SLC5A9: variants seen among roughly 807,000 people sequenced by gnomAD.
The protein encoded by SLC5A9 is sodium/glucose cotransporter 4.
Under a neutral mutation model 70.9 loss-of-function variants are expected in SLC5A9, and 59 were observed. The observed-to-expected ratio is 0.83, with a 90% CI of 0.68 to 1.03. The LOEUF (loss-of-function observed/expected upper bound fraction) is 1.03, where lower values mean the gene tolerates loss of function less well. Among genes scored for constraint, SLC5A9 ranks in the 50% least tolerant of loss-of-function variants. The pLI is 0.00. For missense variants in SLC5A9, 832 were observed against 881.1 expected (o/e 0.94, Z 0.71); for synonymous variants, 340 against 346.5 (o/e 0.98, Z 0.21).
At chr1:48,227,171 G>GTGTAC (rs1400622479) in intron 2 of SLC5A9, among the ~76,000 whole-genome samples, 2 of 104,504 alleles carry the variant, frequency 1.9e-5, no homozygotes, top group African/African-American at 5.7e-5. Context: ...GTCAGAGTGT[G>GTGTAC]TGTGCGTGTG....
At chr1:48,243,436 C>T (rs1363776041) in intron 13 of SLC5A9, among the ~76,000 whole-genome samples, 1 of 152,146 alleles carries the variant, frequency 6.6e-6, no homozygotes, top group Non-Finnish European at 1.5e-5. Context: ...ACTCCAAGGC[C>T]ACACAGTATC....
rs990559243 is a variant in SLC5A9, at chr1:48,224,795, A to C, written c.234A>C (p.Pro78=). 2 of 1,613,938 alleles carry C rather than the reference A, an allele frequency of 1.2e-6. No individual in the cohort carries two copies. Among genetic ancestry groups the C allele is most frequent in the Admixed American group, 3.3e-5 (2 of 60,000 alleles). The part of the protein sequence containing the change: ...FLAGRSMSWW[P]IGASLMSSNV... ...CCGGGAGGTCCATGAGCTGGTGGCC[A>C]GTGAGTTGACCCTTCTCAACCACCC... Residue 78 remains proline (P), a splice_region_variant and synonymous_variant, in exon 2 of 14, where the codon CCA becomes CCC. Transcript: ENST00000438567.
chr1:48,236,975 A>G (rs1644335136), intron 10 of SLC5A9, among the ~76,000 whole-genome samples: 2 of 152,304 alleles, frequency 1.3e-5, no homozygotes, highest in African/African-American at 4.8e-5. Context: ...TGTCAAAAGA[A>G]GCATTCCTTA....
At chr1:48,242,683 C>G (rs532849439) in intron 13 of SLC5A9, 67 bp downstream of exon 13, 1 of 1,436,160 alleles carries the variant, frequency 7.0e-7, no homozygotes, top group African/African-American at 1.4e-5. Context: ...ATGTCATGGG[C>G]GGTCTTTGGG....
rs1282819720 is a variant in SLC5A9, at chr1:48,244,894, A to G, written c.1837+2278A>G. ...TGTGTATGTGTATATATATATATATATATATATATATATATAAAACCTCTG... is the reference window on the plus strand; with the variant it reads ...TGTGTATGTGTATATATATATATATGTATATATATATATATAAAACCTCTG... On this transcript the variant is annotated intron_variant, in intron 13 of 13. Transcript: ENST00000438567. Among the ~76,000 whole-genome samples, 237 of 108,066 alleles carry G rather than the reference A, an allele frequency of 2.2e-3. 61 individuals are homozygous for G. In the East Asian group the frequency reaches 0.022, roughly 10 times the overall value. The allele number at this position is 108,066 out of a possible 152,430, so 70.9% of individuals were successfully genotyped here.
At position 48,248,026 on chromosome 1, in the gene SLC5A9, T is replaced by G. The variant is rs1303649132; in HGVS notation, c.*483T>G. 2 of 163,490 alleles carry G rather than the reference T, an allele frequency of 1.2e-5. No individual in the cohort carries two copies. The highest frequency in any genetic ancestry group is 4.8e-5 in the African/African-American group (2 of 41,702). 10.1% of individuals were successfully genotyped at this position (163,490 alleles called of 1,614,324 possible). On this transcript the variant is annotated 3_prime_UTR_variant, in exon 14 of 14. Transcript: ENST00000438567. The stretch of plus-strand genomic sequence containing the variant: ...TTTCTATTCTCACCAATAATCTCTT[T>G]GTTGCATGAATTTACCCAGGAGAGT...
chr1:48,230,072 T>G (rs969696382), intron 4 of SLC5A9, among the ~76,000 whole-genome samples: 3 of 152,240 alleles, frequency 2.0e-5, no homozygotes, highest in African/African-American at 7.2e-5. Flanking sequence ...GAGAACATCC[T>G]AAGTCAGCTT....
In SLC5A9 at chr1:48,232,488, G is replaced by A. The variant is rs772560201; in HGVS notation, c.1019G>A (p.Arg340Gln). The A allele has an allele frequency of 2.5e-5, 41 of 1,614,024 alleles. No individual in the cohort carries two copies. Among genetic ancestry groups the A allele is most frequent in the South Asian group, 1.6e-4 (15 of 91,084 alleles). The change falls in exon 8 of 14, where the codon CGG (arginine) becomes CAG (glutamine). Residue 340 changes from arginine to glutamine, a missense_variant. By Grantham distance (43) the Arg-to-Gln change is conservative (BLOSUM62 1). Coordinates refer to ENST00000438567, the MANE Select transcript of SLC5A9 (RefSeq NM_001011547.3). ...ATCGTCATGCCTGGCATGATCAGCCGGGCCCTGTTCCCAGGTAAGAACGAG... is the reference window on the plus strand; with the variant it reads ...ATCGTCATGCCTGGCATGATCAGCCAGGCCCTGTTCCCAGGTAAGAACGAG... ...FFIVMPGMIS[R>Q]ALFPDEVGCV...
chr1:48,247,299 C>T, intron 13 of SLC5A9, 36 bp from the exon 14 acceptor site: 2 of 1,600,354 alleles, frequency 1.2e-6, no homozygotes, highest in Non-Finnish European at 1.7e-6. Flanking sequence ...CCTCTCCCCT[C>T]CTGCTCTCCT....
At chr1:48,237,977 C>A in intron 11 of SLC5A9, 130 bp downstream of exon 11, 1 of 920,926 alleles carries the variant, frequency 1.1e-6, no homozygotes, top group Non-Finnish European at 1.6e-6. Flanking sequence ...ACCACAGCAT[C>A]CAGCCTAGAT....
chr1:48,233,909 G>A (rs913901841), intron 9 of SLC5A9, 147 bp downstream of exon 9: 118 of 654,386 alleles, frequency 1.8e-4, no homozygotes, highest in African/African-American at 1.8e-3. Flanking sequence ...ATACACACAC[G>A]TTTTACAGGC....
Position 48,239,369 on chromosome 1 carries a change from TA to T in SLC5A9, c.1510del (p.Met504Ter), listed in dbSNP as rs1323684101. The T allele has an allele frequency of 6.2e-7, 1 of 1,614,010 alleles. No individual in the cohort carries two copies. The highest frequency in any genetic ancestry group is 8.5e-7 in the Non-Finnish European group (1 of 1,179,984). On this transcript the variant is annotated frameshift_variant, in exon 12 of 14. Transcript: ENST00000438567. LOFTEE classifies it high-confidence loss of function. The surrounding 1 kb of genome is among the most constrained non-coding windows in gnomAD (Gnocchi z 4.2). ...VFGLGVGLLR[M>X]ILEFSYPAPA... is the part of the protein sequence containing the mutation. The stretch of plus-strand genomic sequence containing the variant: ...TTGGCCTGGGAGTGGGGCTTCTGCG[TA>T]TGATCCTGGAGTTCTCATACCCAGC...
chr1:48,225,437 A>G (rs1487025528), intron 2 of SLC5A9, among the ~76,000 whole-genome samples: 2 of 151,870 alleles, frequency 1.3e-5, no homozygotes, highest in Non-Finnish European at 2.9e-5. Flanking sequence ...GTGAGCCACA[A>G]TTTCTCCCAT....
Position 48,242,617 on chromosome 1 carries a change from G to A in SLC5A9, c.1837+1G>A. On this transcript the variant is annotated splice_donor_variant, in intron 13 of 13. Coordinates refer to ENST00000438567, the MANE Select transcript of SLC5A9 (RefSeq NM_001011547.3). LOFTEE classifies it high-confidence loss of function. ...AGCCTGGGCCAGGAGCAGCCTGAAG[G>A]TAGGCTGCGGCAGGCCGGGGGATAC... The A allele has an allele frequency of 6.2e-7, 1 of 1,607,538 alleles. No homozygotes were observed. Among genetic ancestry groups the A allele is most frequent in the Non-Finnish European group, 8.5e-7 (1 of 1,176,808 alleles).
Position 48,232,627 on chromosome 1 carries a change from A to C in SLC5A9, c.1033+125A>C, listed in dbSNP as rs1644266056. 1.2e-5 allele frequency: 15 copies of C among 1,273,686 alleles called. No individual in the cohort carries two copies. The South Asian group carries it at 2.1e-4, about 18-fold the overall frequency. 78.9% of individuals were successfully genotyped at this position (1,273,686 alleles called of 1,614,324 possible). On this transcript the variant is annotated intron_variant, in intron 8 of 13. Transcript: ENST00000438567. ...GGGTTGGCAAGGTTTGTCTATTAAG[A>C]ATACATAGCCGGTCATGGTGGCATG...
At chr1:48,245,986 A>G (rs867623692) in intron 13 of SLC5A9, among the ~76,000 whole-genome samples, 1 of 150,748 alleles carries the variant, frequency 6.6e-6, no homozygotes, top group South Asian at 2.1e-4. Flanking sequence ...TATATAAAAT[A>G]TATATTTTTA....
chr1:48,247,246 C>T, intron 13 of SLC5A9, 89 bp from the exon 14 acceptor site: 1 of 1,211,938 alleles, frequency 8.3e-7, no homozygotes, highest in East Asian at 2.5e-5. Flanking sequence ...ATCTCTCTCC[C>T]TCCCCTACTC....
At chr1:48,243,452 T>G (rs1490776330) in intron 13 of SLC5A9, among the ~76,000 whole-genome samples, 1 of 152,188 alleles carries the variant, frequency 6.6e-6, no homozygotes, top group Non-Finnish European at 1.5e-5. Context: ...GTATCTAAAG[T>G]TGAAAATTAT....
Position 48,237,590 on chromosome 1 carries a change from T to C in SLC5A9, c.1293-89T>C. ...AGTGATTGTACATTCCCCTTCTTTCTCCCTTCCTGGTTCCTGTGCATCACC... is the reference window on the plus strand; with the variant it reads ...AGTGATTGTACATTCCCCTTCTTTCCCCCTTCCTGGTTCCTGTGCATCACC... On this transcript the variant is annotated intron_variant, in intron 10 of 13. Coordinates refer to ENST00000438567, the MANE Select transcript of SLC5A9 (RefSeq NM_001011547.3). 7 of 1,305,160 alleles carry C rather than the reference T, an allele frequency of 5.4e-6. No individual in the cohort carries two copies. In the Admixed American group the frequency reaches 1.4e-4, roughly 26 times the overall value. 80.8% of individuals were successfully genotyped at this position (1,305,160 alleles called of 1,614,324 possible).
Sources: gnomAD v4.1 joint callset for allele counts (sites outside exome capture counted in the v4.1 genomes callset) on GRCh38, gnomAD v4.1.1 for gene constraint, Gnocchi (gnomAD v3.1) non-coding constraint, MANE v1.5 for transcripts, NCBI Gene and HGNC (gene_info 2026-07-23, HGNC 2026-07-21) for gene names.